GRK5: variants seen among roughly 807,000 people sequenced by gnomAD.
The protein encoded by GRK5 is G protein-coupled receptor kinase 5.
Under a neutral mutation model 78.4 loss-of-function variants are expected in GRK5, and 40 were observed. That is an observed-to-expected ratio of 0.51 (90% confidence interval 0.40 to 0.66). The LOEUF is 0.66. Among genes scored for constraint, GRK5 ranks in the 30% least tolerant of loss-of-function variants. The pLI, the probability that GRK5 is intolerant of heterozygous loss-of-function variation, is 0.00. For synonymous variants in GRK5, 289 were observed against 296.8 expected (o/e 0.97, Z 0.27); for missense variants, 598 against 759.9 (o/e 0.79, Z 2.50).
At chr10:119,315,012 C>T (rs1248860432) in intron 1 of GRK5, among the ~76,000 whole-genome samples, 1 of 152,234 alleles carries the variant, frequency 6.6e-6, no homozygotes, top group Non-Finnish European at 1.5e-5. Flanking sequence ...GCCTTGCCCA[C>T]TCAGTGGGCT....
rs1158831533 is a variant in GRK5, at chr10:119,353,921, A to AT, written c.149-26888dup. On this transcript the variant is annotated intron_variant, in intron 2 of 15. Coordinates refer to ENST00000392870, the MANE Select transcript of GRK5 (RefSeq NM_005308.3). ...GCAGCCACCCCACCAAGGGCAATCC[A>AT]TTTTTTCTTTCTTTTTTTTTTTTTT... Among the ~76,000 whole-genome samples the AT allele has an allele frequency of 1.0e-4, 11 of 110,178 alleles. No individual in the cohort carries two copies. The South Asian group carries it at 2.7e-3, about 27-fold the overall frequency. 72.3% of individuals were successfully genotyped at this position (110,178 alleles called of 152,430 possible). A position where few individuals can be genotyped will look rare whatever the true frequency, so the allele number is the denominator to read the frequency against.
At chr10:119,312,792 T>A (rs1482825825) in intron 1 of GRK5, among the ~76,000 whole-genome samples, 2 of 152,214 alleles carry the variant, frequency 1.3e-5, no homozygotes, top group African/African-American at 2.4e-5. Context: ...TGTGTGTATG[T>A]AGGGCATAGT....
Position 119,259,498 on chromosome 10 carries a change from A to C in GRK5, c.52+51529A>C, listed in dbSNP as rs557911290. On this transcript the variant is annotated intron_variant, in intron 1 of 15. Transcript: ENST00000392870. The stretch of plus-strand genomic sequence containing the variant: ...ATGTTGACACCCCAAAGAGAGAAAA[A>C]TTGGTTGGTGAGTTAGTCACTGCTT... Among the ~76,000 whole-genome samples the C allele has an allele frequency of 3.9e-5, 6 of 152,266 alleles. No individual in the cohort carries two copies. In the South Asian group the frequency reaches 1.0e-3, roughly 26 times the overall value.
chr10:119,249,311 A>G (rs1375057714), intron 1 of GRK5, among the ~76,000 whole-genome samples: 3 of 152,106 alleles, frequency 2.0e-5, no homozygotes, highest in Non-Finnish European at 4.4e-5. Flanking sequence ...GATACTAATA[A>G]TACCTACCTT....
chr10:119,330,794 G>T (rs1424300514), intron 2 of GRK5, among the ~76,000 whole-genome samples: 1 of 152,154 alleles, frequency 6.6e-6, no homozygotes, highest in Non-Finnish European at 1.5e-5. Flanking sequence ...GCTGAAGCAG[G>T]CAGATTACCT....
chr10:119,439,766 A>G lies in GRK5; in HGVS notation c.965A>G (p.Tyr322Cys), dbSNP rs769264960. The G allele has an allele frequency of 1.9e-6, 3 of 1,613,854 alleles. No individual in the cohort carries two copies. Among genetic ancestry groups the G allele is most frequent in the Admixed American group, 3.3e-5 (2 of 60,014 alleles). ...LKPENILLDD[Y>C]GHIRISDLGL... ...CCTGAAAACATCCTGTTAGATGATT[A>G]TGGTAAGTCTTTTCCTACTCGGTAG... is the stretch of plus-strand genomic sequence containing the variant. The change falls in exon 10 of 16, where the codon TAT becomes TGT. Residue 322 changes from tyrosine to cysteine, a missense_variant and splice_region_variant. Physicochemically the swap from Tyr to Cys is radical, Grantham distance 194. Coordinates refer to ENST00000392870, the MANE Select transcript of GRK5 (RefSeq NM_005308.3).
At chr10:119,394,899 A>G (rs1461253952) in intron 3 of GRK5, among the ~76,000 whole-genome samples, 7 of 150,688 alleles carry the variant, frequency 4.6e-5, no homozygotes, top group Non-Finnish European at 7.4e-5. Flanking sequence ...GCACAGAGGA[A>G]GAAAATAACA....
At chr10:119,227,575 A>C (rs1848761730) in intron 1 of GRK5, among the ~76,000 whole-genome samples, 2 of 152,142 alleles carry the variant, frequency 1.3e-5, no homozygotes, top group Admixed American at 1.3e-4. Flanking sequence ...GATCTCAAAC[A>C]ACAACAACAG....
At chr10:119,292,328 T>TCTC (rs934275992) in intron 1 of GRK5, among the ~76,000 whole-genome samples, 2 of 149,008 alleles carry the variant, frequency 1.3e-5, no homozygotes, top group East Asian at 3.9e-4. Context: ...TATTCCTCCT[T>TCTC]CTCCTCCTCA....
chr10:119,437,136 C>T (rs530792458), intron 9 of GRK5, among the ~76,000 whole-genome samples: 17 of 152,348 alleles, frequency 1.1e-4, no homozygotes, highest in Admixed American at 8.5e-4. Flanking sequence ...GAGGACGGGC[C>T]GTGACCACTG....
At chr10:119,309,560 C>T (rs1377702081) in intron 1 of GRK5, among the ~76,000 whole-genome samples, 1 of 152,236 alleles carries the variant, frequency 6.6e-6, no homozygotes, top group East Asian at 1.9e-4. Context: ...GTGCTAACCA[C>T]AATCTCACTT....
At chr10:119,303,239 T>C (rs1299318332) in intron 1 of GRK5, among the ~76,000 whole-genome samples, 2 of 152,228 alleles carry the variant, frequency 1.3e-5, no homozygotes, top group Non-Finnish European at 2.9e-5. Context: ...AGACGATCTA[T>C]ACATGTGTAA....
intron 4 of GRK5, among the ~76,000 whole-genome samples, chr10:119,404,698 A>G (rs941448475): frequency 1.3e-5 from 2 of 152,204 alleles, no homozygotes; most frequent in African/African-American, 4.8e-5. Context: ...CGAGAGCCCC[A>G]CTGCCTGTTG....
chr10:119,337,870 C>T (rs748747263), intron 2 of GRK5, among the ~76,000 whole-genome samples: 4 of 152,120 alleles, frequency 2.6e-5, no homozygotes, highest in Non-Finnish European at 2.9e-5. Flanking sequence ...GATCCTCCTG[C>T]CTTGGCCTCC....
At chr10:119,340,111 T>G (rs1181660137) in intron 2 of GRK5, among the ~76,000 whole-genome samples, 1 of 149,736 alleles carries the variant, frequency 6.7e-6, no homozygotes, top group African/African-American at 2.5e-5. Context: ...GTGGTTTTTT[T>G]GTTTGTTTGT....
In GRK5 at chr10:119,214,985, G is replaced by A. The variant is rs1000961969; in HGVS notation, c.52+7016G>A. ...AGGGCAGAGGCCTGGGCGGGTAGACGGGCTGCAGTTCTGGAGTGAAGACGG... is the reference window on the plus strand; with the variant it reads ...AGGGCAGAGGCCTGGGCGGGTAGACAGGCTGCAGTTCTGGAGTGAAGACGG... On this transcript the variant is annotated intron_variant, in intron 1 of 15. Transcript: ENST00000392870. Among the ~76,000 whole-genome samples the A allele has an allele frequency of 1.6e-4, 25 of 152,316 alleles. No individual in the cohort carries two copies. In the East Asian group the frequency reaches 4.6e-3, roughly 28 times the overall value.
At chr10:119,309,253 A>G (rs1356717054) in intron 1 of GRK5, among the ~76,000 whole-genome samples, 3 of 152,312 alleles carry the variant, frequency 2.0e-5, no homozygotes, top group East Asian at 1.9e-4. Flanking sequence ...GTCACCTGGC[A>G]TGGGTCAGTG....
chr10:119,310,204 A>C (rs1286745664), intron 1 of GRK5, among the ~76,000 whole-genome samples: 3 of 152,208 alleles, frequency 2.0e-5, no homozygotes, highest in African/African-American at 4.8e-5. Context: ...CTCACAGGAA[A>C]ATGCAAATAT....
chr10:119,278,175 C>A (rs1253708705), intron 1 of GRK5, among the ~76,000 whole-genome samples: 1 of 152,184 alleles, frequency 6.6e-6, no homozygotes, highest in Non-Finnish European at 1.5e-5. Flanking sequence ...AGATAAGCTT[C>A]CCCAATTCTC....
Sources: gnomAD v4.1 joint callset for allele counts (sites outside exome capture counted in the v4.1 genomes callset) on GRCh38, gnomAD v4.1.1 for gene constraint, MANE v1.5 for transcripts, NCBI Gene and HGNC (gene_info 2026-07-23, HGNC 2026-07-21) for gene names.